MECOM: variants seen among roughly 807,000 people sequenced by gnomAD.
The protein encoded by MECOM is MDS1 and EVI1 complex locus, also known as histone-lysine N-methyltransferase MECOM.
A neutral mutation model predicts 116.3 loss-of-function variants in MECOM; 13 were observed. The ratio of observed to expected loss-of-function variants is 0.11; its 90% CI spans 0.07 to 0.18. The LOEUF is 0.18. Ranked by LOEUF, MECOM falls within the 10% of genes least tolerant of loss-of-function variation. The pLI is 1.00. For missense variants in MECOM, 1,299 were observed against 1,509.0 expected (o/e 0.86, Z 2.31); for synonymous variants, 528 against 535.2 (o/e 0.99, Z 0.19).
At chr3:169,131,927 C>A (rs1734849959) in intron 3 of MECOM, 4 of 1,006,492 alleles carry the variant, frequency 4.0e-6, no homozygotes, top group Non-Finnish European at 4.8e-6. Flanking sequence ...CAGCAGTAGC[C>A]TAGCTTACCT....
intron 2 of MECOM, among the ~76,000 whole-genome samples, chr3:169,283,943 T>A (rs532631754): frequency 6.6e-6 from 1 of 152,256 alleles, no homozygotes; most frequent in Non-Finnish European, 1.5e-5. Context: ...TAGATTTATC[T>A]GTTACATCAA....
chr3:169,411,667 G>A (rs1737577561), intron 1 of MECOM, among the ~76,000 whole-genome samples: 1 of 152,246 alleles, frequency 6.6e-6, no homozygotes, highest in Non-Finnish European at 1.5e-5. Context: ...AAGGCCAGGT[G>A]CCATCCACAC....
intron 1 of MECOM, among the ~76,000 whole-genome samples, chr3:169,471,256 T>TGCTG (rs1749183004): frequency 6.6e-6 from 1 of 152,166 alleles, no homozygotes; most frequent in Non-Finnish European, 1.5e-5. Context: ...CTTCCCAAAG[T>TGCTG]GCTGGGGTTA....
intron 2 of MECOM, chr3:169,146,327 T>A: frequency 1.5e-6 from 2 of 1,295,962 alleles, no homozygotes; most frequent in Non-Finnish European, 2.0e-6. Context: ...CGAGAGCGGC[T>A]CCAAAGTCGC....
chr3:169,642,750 T>A (rs1375300859), intron 1 of MECOM, among the ~76,000 whole-genome samples: 2 of 144,206 alleles, frequency 1.4e-5, no homozygotes, highest in African/African-American at 2.6e-5. Context: ...AAAAAAAAAA[T>A]AGAAAGTACT....
intron 2 of MECOM, among the ~76,000 whole-genome samples, chr3:169,331,922 G>T (rs765882760): frequency 6.6e-6 from 1 of 151,080 alleles, no homozygotes; most frequent in East Asian, 1.9e-4. Context: ...AGTGAGATGC[G>T]TACTGGGATT....
chr3:169,207,771 T>C (rs920245833), intron 2 of MECOM, among the ~76,000 whole-genome samples: 1 of 152,178 alleles, frequency 6.6e-6, no homozygotes, highest in Non-Finnish European at 1.5e-5. Context: ...ATGTCTTCTG[T>C]TAGGCTCCAT....
intron 2 of MECOM, among the ~76,000 whole-genome samples, chr3:169,246,104 G>A (rs1210178784): frequency 1.3e-5 from 2 of 152,094 alleles, no homozygotes; most frequent in East Asian, 3.9e-4. Context: ...CATATCATAG[G>A]GGAATATTTG....
intron 2 of MECOM, among the ~76,000 whole-genome samples, chr3:169,274,760 T>C (rs889644891): frequency 2.0e-5 from 3 of 152,232 alleles, no homozygotes; most frequent in Non-Finnish European, 1.5e-5. Flanking sequence ...CTCACGCTAG[T>C]GCTCAATAGC....
chr3:169,559,800 T>G (rs1158664588), intron 1 of MECOM, among the ~76,000 whole-genome samples: 1 of 152,220 alleles, frequency 6.6e-6, no homozygotes, highest in African/African-American at 2.4e-5. Flanking sequence ...AATGGGTTTT[T>G]ATGTGCCAGT....
At chr3:169,406,757 T>C (rs1431425170) in intron 1 of MECOM, among the ~76,000 whole-genome samples, 13 of 152,112 alleles carry the variant, frequency 8.5e-5, no homozygotes, top group Admixed American at 8.5e-4. Flanking sequence ...TGTGTCTCAC[T>C]TCATTAAAAC....
intron 2 of MECOM, among the ~76,000 whole-genome samples, chr3:169,239,539 ATATAT>A (rs1316980465): frequency 1.3e-5 from 2 of 152,070 alleles, no homozygotes; most frequent in Non-Finnish European, 2.9e-5. Flanking sequence ...ATAAGTTAAA[ATATAT>A]TATAATTGAG....
At chr3:169,430,615 A>G (rs1167291410) in intron 1 of MECOM, among the ~76,000 whole-genome samples, 1 of 152,162 alleles carries the variant, frequency 6.6e-6, no homozygotes, top group East Asian at 1.9e-4. Flanking sequence ...ACTATTTCCT[A>G]GTAATCTGTG....
intron 2 of MECOM, among the ~76,000 whole-genome samples, chr3:169,189,846 T>C (rs1747288237): frequency 6.6e-6 from 1 of 152,118 alleles, no homozygotes; most frequent in Admixed American, 6.6e-5. Flanking sequence ...TTTCTAACTA[T>C]GTTCCTAAGT....
At chr3:169,227,693 AG>A (rs1752905002) in intron 2 of MECOM, among the ~76,000 whole-genome samples, 1 of 152,222 alleles carries the variant, frequency 6.6e-6, no homozygotes, top group Admixed American at 6.5e-5. Context: ...ATGGGTGAAA[AG>A]TCATTGATAT....
intron 2 of MECOM, among the ~76,000 whole-genome samples, chr3:169,144,071 C>T (rs745855431): frequency 1.3e-5 from 2 of 152,040 alleles, no homozygotes; most frequent in Non-Finnish European, 2.9e-5. Context: ...TAATTGGTTT[C>T]AAAAATGCTT....
intron 3 of MECOM, among the ~76,000 whole-genome samples, 197 bp downstream of exon 3, chr3:169,143,501 G>T (rs1201423762): frequency 6.6e-6 from 1 of 152,046 alleles, no homozygotes; most frequent in African/African-American, 2.4e-5. Flanking sequence ...AAACTGAATA[G>T]ACTACCCAAA....
chr3:169,594,235 C>T (rs955261087), intron 1 of MECOM, among the ~76,000 whole-genome samples: 10 of 146,094 alleles, frequency 6.8e-5, no homozygotes, highest in African/African-American at 2.6e-4. Flanking sequence ...TCTCTTAAAA[C>T]TAGCTGACCC....
chr3:169,116,442 G>A lies in MECOM; in HGVS notation c.1430C>T (p.Ala477Val), dbSNP rs1373633823. Residue 477 changes from alanine (A) to valine (V), a missense_variant, in exon 8 of 17, where the codon GCT becomes GTT. Around this residue, in one of 6 missense-constraint regions of MECOM, gnomAD observed 238 missense variants for 273.1 expected, o/e 0.87. Coordinates refer to ENST00000651503, the MANE Select transcript of MECOM (RefSeq NM_004991.4). ...AGGAGCTGTTGGAAAGGTAAGACCA[G>A]CAGGATGCCTATTGGCGCCAAAATA... ...ADYFGANRHP[A>V]GLTFPTAPGF... 5.6e-6 allele frequency: 9 copies of A among 1,614,194 alleles called. No individual in the cohort carries two copies. The highest frequency in any genetic ancestry group is 7.6e-6 in the Non-Finnish European group (9 of 1,180,052).
Sources: allele counts gnomAD v4.1 joint callset (sites outside exome capture counted in the v4.1 genomes callset), GRCh38; gene constraint gnomAD v4.1.1; regional missense constraint gnomAD v4.1.1; transcripts MANE v1.5; gene names NCBI Gene and HGNC (gene_info 2026-07-23, HGNC 2026-07-21).